AKAP19: variants seen among roughly 807,000 people sequenced by gnomAD.
AKAP19 encodes small A-kinase anchoring protein.
the AKAP19 span, among the ~76,000 whole-genome samples, chr2:189,998,771 C>CTTTTTTTTTTTTTTTTTTTTT: frequency 5.9e-4 from 58 of 97,536 alleles, no homozygotes; most frequent in Non-Finnish European, 7.7e-4. Context: ...TTCTTTCTTT[C>CTTTTTTTTTTTTTTTTTTTTT]TTTTTTTTTT....
At chr2:189,934,002 C>A in the AKAP19 span, among the ~76,000 whole-genome samples, 5 of 152,086 alleles carry the variant, frequency 3.3e-5, no homozygotes, top group African/African-American at 1.2e-4. Context: ...ACATTTGCCA[C>A]ACATTTATCA....
At chr2:189,881,789 A>C in the AKAP19 span, among the ~76,000 whole-genome samples, 2 of 152,202 alleles carry the variant, frequency 1.3e-5, no homozygotes, top group African/African-American at 2.4e-5. Context: ...AAAATAATAA[A>C]AATTGAAAAA....
chr2:190,026,066 T>C, the AKAP19 span, among the ~76,000 whole-genome samples: 4 of 152,190 alleles, frequency 2.6e-5, no homozygotes, highest in Non-Finnish European at 4.4e-5. Context: ...AATACAAACA[T>C]CTTCAGCTCA....
chr2:189,953,695 C>CCCAACAAT, the AKAP19 span, among the ~76,000 whole-genome samples: 1 of 151,274 alleles, frequency 6.6e-6, no homozygotes, highest in Non-Finnish European at 1.5e-5. Flanking sequence ...ATTCATTTCT[C>CCCAACAAT]CCAACAATCT....
the AKAP19 span, among the ~76,000 whole-genome samples, chr2:190,144,654 T>C: frequency 6.6e-6 from 1 of 152,190 alleles, no homozygotes; most frequent in Admixed American, 6.5e-5. Context: ...ATACACACTG[T>C]TTTATTCCTT....
chr2:190,171,205 C>A, the AKAP19 span, among the ~76,000 whole-genome samples: 1 of 148,448 alleles, frequency 6.7e-6, no homozygotes, highest in Admixed American at 6.8e-5. Context: ...TTCTTTATTA[C>A]AAAATGCAAG....
chr2:190,115,505 G>C, the AKAP19 span, among the ~76,000 whole-genome samples: 1 of 143,500 alleles, frequency 7.0e-6, no homozygotes, highest in Admixed American at 7.0e-5. Context: ...ATTTTTAGTA[G>C]AGACGGGGTT....
chr2:190,059,705 G>A, the AKAP19 span, among the ~76,000 whole-genome samples: 1 of 151,852 alleles, frequency 6.6e-6, no homozygotes. Flanking sequence ...GGATTTGTTG[G>A]TTTATGTGGT....
chr2:189,965,976 G>GTA, the AKAP19 span, among the ~76,000 whole-genome samples: 57 of 151,906 alleles, frequency 3.8e-4, no homozygotes, highest in Non-Finnish European at 6.0e-4. Context: ...GTGTGTATGT[G>GTA]TATATATATA....
chr2:190,094,990 C>T, the AKAP19 span, among the ~76,000 whole-genome samples: 15 of 152,224 alleles, frequency 9.9e-5, no homozygotes, highest in South Asian at 4.2e-4. Context: ...TTTGAGAGGC[C>T]GAGATGGGCG....
At chr2:189,923,918 G>T in the AKAP19 span, 2,821 of 1,611,170 alleles carry the variant, frequency 1.8e-3, 7 homozygotes, top group Non-Finnish European at 2.2e-3. Context: ...ACAAAAAGTG[G>T]ATTCTTTCCT....
chr2:190,013,316 T>A, the AKAP19 span, among the ~76,000 whole-genome samples: 1 of 152,170 alleles, frequency 6.6e-6, no homozygotes. Flanking sequence ...CAGATTTTCT[T>A]TCTTCATGAT....
the AKAP19 span, among the ~76,000 whole-genome samples, chr2:189,928,980 C>G: frequency 1.4e-4 from 22 of 152,092 alleles, no homozygotes; most frequent in Non-Finnish European, 1.0e-4. Flanking sequence ...AACATTACTA[C>G]TATGTCTTTA....
At chr2:190,097,464 G>A in the AKAP19 span, among the ~76,000 whole-genome samples, 1 of 152,158 alleles carries the variant, frequency 6.6e-6, no homozygotes, top group Admixed American at 6.5e-5. Context: ...AATGAAGTTT[G>A]CCACATAGAT....
chr2:190,037,649 A>G, the AKAP19 span, among the ~76,000 whole-genome samples: 1 of 152,230 alleles, frequency 6.6e-6, no homozygotes, highest in Non-Finnish European at 1.5e-5. Context: ...TTTGCAAGAG[A>G]TAAGGCTCAG....
the AKAP19 span, among the ~76,000 whole-genome samples, chr2:190,077,398 G>T: frequency 6.6e-6 from 1 of 151,702 alleles, no homozygotes; most frequent in African/African-American, 2.4e-5. Context: ...TTTATTTACA[G>T]ACAGGGTTTA....
At chr2:190,111,370 A>G in the AKAP19 span, among the ~76,000 whole-genome samples, 1 of 152,158 alleles carries the variant, frequency 6.6e-6, no homozygotes, top group Non-Finnish European at 1.5e-5. Context: ...ACTGACTGGT[A>G]CATCATCTCA....
the AKAP19 span, among the ~76,000 whole-genome samples, chr2:190,075,629 T>C: frequency 1.3e-5 from 2 of 152,212 alleles, no homozygotes; most frequent in Non-Finnish European, 2.9e-5. Context: ...GAAATCAGCT[T>C]TGTCTGACAT....
chr2:190,188,054 G>GT, the AKAP19 span, among the ~76,000 whole-genome samples: 1 of 152,168 alleles, frequency 6.6e-6, no homozygotes, highest in South Asian at 2.1e-4. Context: ...GTGTATATAT[G>GT]TGTCTGTGCA....
Sources: gnomAD v4.1 joint callset for allele counts (sites outside exome capture counted in the v4.1 genomes callset) on GRCh38, gnomAD v4.1.1 for gene constraint, MANE v1.5 for transcripts, NCBI Gene and HGNC (gene_info 2026-07-23, HGNC 2026-07-21) for gene names.